SLC15A2: variants seen among roughly 807,000 people sequenced by gnomAD.
The protein encoded by SLC15A2 is kidney H(+)/peptide cotransporter.
A neutral mutation model predicts 95.5 loss-of-function variants in SLC15A2; 77 were observed. The ratio of observed to expected loss-of-function variants is 0.81; its 90% CI spans 0.67 to 0.97. The LOEUF (loss-of-function observed/expected upper bound fraction) is 0.97. Among genes scored for constraint, SLC15A2 ranks in the 50% least tolerant of loss-of-function variants. SLC15A2 has a pLI of 0.00. For missense variants in SLC15A2, 893 were observed against 874.4 expected, an observed-to-expected ratio of 1.02 and a Z score of -0.27; for synonymous variants, 306 against 306.9, an observed-to-expected ratio of 1.00 and a Z score of 0.03.
At chr3:121,915,882 A>G (rs1021462101) in intron 7 of SLC15A2, among the ~76,000 whole-genome samples, 189 bp downstream of exon 7, 1 of 152,202 alleles carries the variant, frequency 6.6e-6, no homozygotes, top group Non-Finnish European at 1.5e-5. Context: ...TTAAGAAAAA[A>G]GTGCCTAAGG....
chr3:121,901,781 A>C (rs1289268870), intron 3 of SLC15A2, among the ~76,000 whole-genome samples: 1 of 151,680 alleles, frequency 6.6e-6, no homozygotes, highest in Non-Finnish European at 1.5e-5. Flanking sequence ...AAATGGATAG[A>C]TTTTTGTTTC....
intron 7 of SLC15A2, 29 bp downstream of exon 7, chr3:121,915,722 T>C: frequency 6.8e-7 from 1 of 1,477,364 alleles, no homozygotes; most frequent in Non-Finnish European, 9.5e-7. Context: ...AGGAAACTAA[T>C]AATCATTGAT....
At chr3:121,928,235 A>G in intron 14 of SLC15A2, 186 bp from the exon 15 acceptor site, 3 of 645,524 alleles carry the variant, frequency 4.6e-6, no homozygotes, top group East Asian at 2.8e-5. Flanking sequence ...GGTACTTGCT[A>G]CAATGAGCTG....
At chr3:121,908,470 G>A (rs191137413) in intron 3 of SLC15A2, among the ~76,000 whole-genome samples, 5 of 152,340 alleles carry the variant, frequency 3.3e-5, no homozygotes, top group African/African-American at 7.2e-5. Context: ...CATCAACTAC[G>A]CTGGGAGCTA....
chr3:121,930,716 C>A lies in SLC15A2; in HGVS notation c.1554-124C>A, dbSNP rs551465813. On this transcript the variant is annotated intron_variant, in intron 17 of 21. Transcript: ENST00000489711. ...ATATACATTAGGTACCTTTTATGTG[C>A]CAGCCACTATCCTAGGCACCTGGGC... 44 of 602,946 alleles carry A rather than the reference C, an allele frequency of 7.3e-5. No homozygotes were observed. The African/African-American group carries it at 7.7e-4, about 10-fold the overall frequency. The allele number at this position is 602,946 out of a possible 1,614,324, so 37.3% of individuals were successfully genotyped here.
At chr3:121,939,049 G>A (rs910390417) in intron 19 of SLC15A2, 2 of 234,984 alleles carry the variant, frequency 8.5e-6, no homozygotes, top group Non-Finnish European at 1.6e-5. Context: ...TGTTTAAAAT[G>A]TTGTCCAGGA....
At chr3:121,915,791 C>A in intron 7 of SLC15A2, 98 bp downstream of exon 7, 1 of 817,974 alleles carries the variant, frequency 1.2e-6, no homozygotes. Flanking sequence ...ATTCAATCCT[C>A]ACACCAGGCC....
intron 7 of SLC15A2, 87 bp downstream of exon 7, chr3:121,915,780 C>T: frequency 1.1e-6 from 1 of 917,388 alleles, no homozygotes; most frequent in East Asian, 2.4e-5. Flanking sequence ...CAAGCTGTTT[C>T]ATTCAATCCT....
intron 3 of SLC15A2, among the ~76,000 whole-genome samples, chr3:121,910,561 G>T (rs1033395547): frequency 6.6e-6 from 1 of 152,120 alleles, no homozygotes; most frequent in African/African-American, 2.4e-5. Context: ...CTAACCCAAG[G>T]ATTAGGCACT....
chr3:121,912,828 G>A (rs17203299), intron 4 of SLC15A2, among the ~76,000 whole-genome samples, 193 bp from the exon 5 acceptor site: 4,218 of 152,234 alleles, frequency 0.028, 70 homozygotes, highest in Non-Finnish European at 0.042. Context: ...TGCAGAGGCC[G>A]AAGGATCATA....
chr3:121,940,972 A>C lies in SLC15A2; in HGVS notation c.2155A>C (p.Met719Leu), dbSNP rs766041682. 1 of 1,614,016 alleles carries C rather than the reference A, an allele frequency of 6.2e-7. No individual in the cohort carries two copies. Among genetic ancestry groups the C allele is most frequent in the Non-Finnish European group, 8.5e-7 (1 of 1,179,988 alleles). The part of the protein sequence containing the change: ...DKHIPHIQGN[M>L]IKLETKKTKL Reference sequence around the variant, plus strand: ...GCACATTCCTCACATCCAGGGGAACATGATCAAACTAGAGACCAAGAAGAC... The same window carrying C: ...GCACATTCCTCACATCCAGGGGAACCTGATCAAACTAGAGACCAAGAAGAC... The change falls in exon 22 of 22, where the codon ATG becomes CTG. Residue 719 changes from methionine (M) to leucine (L), a missense_variant. Transcript: ENST00000489711.
At chr3:121,939,698 G>A (rs1710421527) in intron 20 of SLC15A2, among the ~76,000 whole-genome samples, 1 of 152,062 alleles carries the variant, frequency 6.6e-6, no homozygotes, top group South Asian at 2.1e-4. Context: ...TGGGGTTCTA[G>A]GAAAGAGATT....
chr3:121,902,470 A>G (rs1237989866), intron 3 of SLC15A2, among the ~76,000 whole-genome samples: 2 of 152,088 alleles, frequency 1.3e-5, no homozygotes, highest in Admixed American at 1.3e-4. Context: ...TGAACTCGCC[A>G]TTTACATTAG....
At chr3:121,924,289 G>T in intron 11 of SLC15A2, 62 bp from the exon 12 acceptor site, 1 of 1,409,626 alleles carries the variant, frequency 7.1e-7, no homozygotes, top group Non-Finnish European at 9.9e-7. Flanking sequence ...TATTGATCTA[G>T]GCCAACATTT....
rs770820890 is a variant in SLC15A2 at position 121,923,094 on chromosome 3, C to T, written c.922C>T (p.Pro308Ser). 3.1e-6 allele frequency: 5 copies of T among 1,613,972 alleles called. No homozygotes were observed. The highest frequency in any genetic ancestry group is 2.2e-5 in the East Asian group (1 of 44,870). Residue 308 changes from proline (P) to serine (S), a missense_variant, in exon 10 of 22, where the codon CCA becomes TCA. By Grantham distance (74) the Pro-to-Ser change is moderately conservative (BLOSUM62 -1). Transcript: ENST00000489711. ...ALTRVLFLYI[P>S]LPMFWALLDQ... ...GACCAGGGTACTATTCCTTTATATC[C>T]CATTGCCCATGTTCTGGGCTCTTTT...
chr3:121,908,325 C>T (rs563202313), intron 3 of SLC15A2, among the ~76,000 whole-genome samples: 2 of 152,328 alleles, frequency 1.3e-5, no homozygotes, highest in Admixed American at 6.5e-5. Context: ...ATCCCCCAAC[C>T]GCTTGTCCTT....
At chr3:121,930,012 C>A (rs1372058015) in intron 17 of SLC15A2, among the ~76,000 whole-genome samples, 2 of 152,134 alleles carry the variant, frequency 1.3e-5, no homozygotes, top group Admixed American at 1.3e-4. Context: ...AAGGTTGGGA[C>A]AGTCATAATA....
chr3:121,914,238 C>CA (rs998943063), intron 5 of SLC15A2, among the ~76,000 whole-genome samples: 4 of 152,074 alleles, frequency 2.6e-5, no homozygotes, highest in African/African-American at 9.7e-5. Flanking sequence ...GGAGAGGAAA[C>CA]AAAACACACT....
intron 19 of SLC15A2, among the ~76,000 whole-genome samples, chr3:121,934,837 G>A (rs1372570356): frequency 6.6e-6 from 1 of 151,904 alleles, no homozygotes; most frequent in Non-Finnish European, 1.5e-5. Context: ...TCCCTGTCTT[G>A]TGCCAGTTTT....
Sources: gnomAD v4.1 joint callset for allele counts (sites outside exome capture counted in the v4.1 genomes callset) on GRCh38, gnomAD v4.1.1 for gene constraint, MANE v1.5 for transcripts, NCBI Gene and HGNC (gene_info 2026-07-23, HGNC 2026-07-21) for gene names.